Variants in SLC3A1 observed in about 807,000 individuals in gnomAD.
The protein encoded by SLC3A1 is amino acid transporter heavy chain SLC3A1.
SLC3A1 carries 78 observed loss-of-function variants against 60.3 expected under a neutral mutation model. The ratio of observed to expected loss-of-function variants is 1.29; its 90% CI spans 1.08 to 1.56. The LOEUF is 1.56. Ranked by LOEUF, SLC3A1 falls within the 40% of genes most tolerant of loss-of-function variation. SLC3A1 has a pLI of 0.00. For missense variants in SLC3A1, 1,172 were observed against 858.9 expected (o/e 1.36, Z -4.56); for synonymous variants, 392 against 307.9 (o/e 1.27, Z -2.86).
Position 44,310,391 on chromosome 2 carries a change from A to G in SLC3A1, c.1333-2195A>G, listed in dbSNP as rs552232095. Among the ~76,000 whole-genome samples the G allele has an allele frequency of 5.9e-5, 9 of 152,300 alleles. No individual in the cohort carries two copies. The Middle Eastern group carries it at 0.014, about 230-fold the overall frequency. On this transcript the variant is annotated intron_variant, in intron 7 of 9. Transcript: ENST00000260649. ...TGGTATCTCATTTTTTCATTATTGA[A>G]TAACAGTTTTGCTGGATATAGAAAT...
chr2:44,275,721 C>G lies in SLC3A1; in HGVS notation c.186C>G (p.Val62=), dbSNP rs1482182433. Residue 62 remains valine, a synonymous_variant, in exon 1 of 10, where the codon GTC becomes GTG. Coordinates refer to ENST00000260649, the MANE Select transcript of SLC3A1 (RefSeq NM_000341.4). Reference sequence around the variant, plus strand: ...CCCAGGAGCCCGACTTCAAGGGCGTCCAGCCCTATGCGGGGATGCCCAAGG... The same window carrying G: ...CCCAGGAGCCCGACTTCAAGGGCGTGCAGCCCTATGCGGGGATGCCCAAGG... ...LGSQEPDFKG[V]QPYAGMPKEV... is the part of the protein sequence containing the mutation. 3.1e-6 allele frequency: 5 copies of G among 1,614,090 alleles called. No individual in the cohort carries two copies. In the Admixed American group the frequency reaches 8.3e-5, roughly 27 times the overall value.
rs1324540640 is a variant in SLC3A1, at chr2:44,320,556, C to T, written c.1975C>T (p.Gln659Ter). ...EHNTKNLLHR[Q>*]TAFRDRCFVS... is the part of the protein sequence containing the mutation. Reference sequence around the variant, plus strand: ...CAACACGAAGAATCTCCTTCATCGCCAAACAGCTTTCAGAGATAGATGCTT... The same window carrying T: ...CAACACGAAGAATCTCCTTCATCGCTAAACAGCTTTCAGAGATAGATGCTT... The change falls in exon 10 of 10, where the codon CAA (glutamine) becomes TAA (stop). Residue 659 changes from glutamine (Q) to a stop codon, truncating the protein, a stop_gained. Transcript: ENST00000260649. LOFTEE classifies it low-confidence loss of function (END_TRUNC). 5 of 1,613,936 alleles carry T rather than the reference C, an allele frequency of 3.1e-6. No individual in the cohort carries two copies. The highest frequency in any genetic ancestry group is 3.4e-6 in the Non-Finnish European group (4 of 1,179,926).
chr2:44,314,087 T>A lies in SLC3A1; in HGVS notation c.1617+136T>A, dbSNP rs1672365349. 1.9e-6 allele frequency: 3 copies of A among 1,545,624 alleles called. No homozygotes were observed. The African/African-American group carries it at 4.1e-5, about 21-fold the overall frequency. ...TCAATCACAGACTTCCTTGCAGTTTTCCATTTGTAAGGAGTTTGTAAATCA... is the reference window on the plus strand; with the variant it reads ...TCAATCACAGACTTCCTTGCAGTTTACCATTTGTAAGGAGTTTGTAAATCA... On this transcript the variant is annotated intron_variant, in intron 9 of 9. Coordinates refer to ENST00000260649, the MANE Select transcript of SLC3A1 (RefSeq NM_000341.4).
chr2:44,299,309 G>A (rs1671940709), intron 4 of SLC3A1, among the ~76,000 whole-genome samples: 1 of 152,188 alleles, frequency 6.6e-6, no homozygotes, highest in Non-Finnish European at 1.5e-5. Flanking sequence ...AGAGTGCTGG[G>A]ATTACAGGCA....
At chr2:44,309,064 A>T (rs1024407640) in intron 7 of SLC3A1, among the ~76,000 whole-genome samples, 2 of 152,174 alleles carry the variant, frequency 1.3e-5, no homozygotes, top group East Asian at 3.8e-4. Context: ...AAATTATTGC[A>T]AAATATACAT....
At chr2:44,284,639 T>G (rs954307848) in intron 3 of SLC3A1, among the ~76,000 whole-genome samples, 1 of 152,182 alleles carries the variant, frequency 6.6e-6, no homozygotes, top group Admixed American at 6.5e-5. Flanking sequence ...CATAGCTTAC[T>G]GCAGTCTCGA....
In SLC3A1 at chr2:44,320,328, AC is replaced by A; in HGVS notation, c.1748del (p.Thr583LysfsTer15). On this transcript the variant is annotated frameshift_variant, in exon 10 of 10. Transcript: ENST00000260649. LOFTEE classifies it low-confidence loss of function (END_TRUNC). ...GAATGACAGCCACTATGTTGTGTAC[AC>A]AAGAGAGCTGGATGGCATCGACAGA... ...LRNDSHYVVY[T>X]RELDGIDRIF... The A allele has an allele frequency of 6.2e-7, 1 of 1,614,164 alleles. No individual in the cohort carries two copies. Among genetic ancestry groups the A allele is most frequent in the Non-Finnish European group, 8.5e-7 (1 of 1,179,990 alleles).
downstream of SLC3A1, chr2:44,321,800 T>A (rs1394803796): frequency 6.2e-7 from 1 of 1,613,688 alleles, no homozygotes; most frequent in Non-Finnish European, 8.5e-7. Context: ...CGGGAATCTG[T>A]CCACTGAGAG....
At position 44,314,066 on chromosome 2, in the gene SLC3A1, T is replaced by C. The variant is rs565818253; in HGVS notation, c.1617+115T>C. 1.4e-5 allele frequency: 22 copies of C among 1,559,448 alleles called. No homozygotes were observed. In the African/African-American group the frequency reaches 1.6e-4, roughly 12 times the overall value. ...CCTTAACGGATACTCTTTAAATCAA[T>C]CACAGACTTCCTTGCAGTTTTCCAT... On this transcript the variant is annotated intron_variant, in intron 9 of 9. Coordinates refer to ENST00000260649, the MANE Select transcript of SLC3A1 (RefSeq NM_000341.4).
intron 2 of SLC3A1, among the ~76,000 whole-genome samples, chr2:44,281,096 C>T (rs1210718300): frequency 5.6e-5 from 8 of 144,058 alleles, no homozygotes; most frequent in African/African-American, 2.1e-4. Flanking sequence ...TTCCTTTCTC[C>T]TTTCCTTTTT....
At chr2:44,286,816 G>A (rs1374393049) in intron 4 of SLC3A1, among the ~76,000 whole-genome samples, 5 of 150,024 alleles carry the variant, frequency 3.3e-5, no homozygotes, top group Non-Finnish European at 5.9e-5. Flanking sequence ...GCCTGTGACG[G>A]TGAGCTGTGC....
At chr2:44,317,755 A>G (rs1672548025) in intron 9 of SLC3A1, 1 of 152,578 alleles carries the variant, frequency 6.6e-6, no homozygotes, top group African/African-American at 2.4e-5. Flanking sequence ...TCAATCCAAC[A>G]AAAAGCTTAA....
At chr2:44,303,987 A>G in intron 6 of SLC3A1, 156 bp from the exon 7 acceptor site, 1 of 711,744 alleles carries the variant, frequency 1.4e-6, no homozygotes. Context: ...ACATTTGGTG[A>G]CAGCTTGATT....
intron 7 of SLC3A1, among the ~76,000 whole-genome samples, chr2:44,305,915 A>G (rs1672142999): frequency 6.6e-6 from 1 of 152,080 alleles, no homozygotes; most frequent in Non-Finnish European, 1.5e-5. Flanking sequence ...TACCTATTGT[A>G]TACTATAGCA....
intron 6 of SLC3A1, 188 bp downstream of exon 6, chr2:44,301,315 T>C (rs543912012): frequency 1.4e-6 from 1 of 727,138 alleles, no homozygotes; most frequent in Non-Finnish European, 2.4e-6. Flanking sequence ...TTGCTGACTT[T>C]CAGTTTCCTC....
At chr2:44,307,467 C>T (rs539182303) in intron 7 of SLC3A1, among the ~76,000 whole-genome samples, 3 of 152,100 alleles carry the variant, frequency 2.0e-5, no homozygotes, top group Non-Finnish European at 2.9e-5. Context: ...AGCAATGTTA[C>T]GAGGGTTCCA....
intron 3 of SLC3A1, among the ~76,000 whole-genome samples, chr2:44,284,847 G>A (rs1671579499): frequency 6.6e-6 from 1 of 152,106 alleles, no homozygotes; most frequent in South Asian, 2.1e-4. Flanking sequence ...TTACTGGCAT[G>A]AGCTACCATG....
chr2:44,310,656 A>AT (rs1245368595), intron 7 of SLC3A1, among the ~76,000 whole-genome samples: 8 of 152,170 alleles, frequency 5.3e-5, no homozygotes, highest in Middle Eastern at 6.8e-3. Context: ...TAGATACACA[A>AT]TTTTTAAAAA....
At position 44,280,718 on chromosome 2, in the gene SLC3A1, A is replaced by G. The variant is rs1449804099; in HGVS notation, c.433A>G (p.Ile145Val). 1.9e-6 allele frequency: 3 copies of G among 1,605,446 alleles called. No homozygotes were observed. The highest frequency in any genetic ancestry group is 2.6e-6 in the Non-Finnish European group (3 of 1,172,374). ...ATGACTTTGACTTTTTTCTTCAGGT[A>G]TTCAAGATAAACTGGACTACATCAC... is the stretch of plus-strand genomic sequence containing the variant. ...NKDGNGDLKG[I>V]QDKLDYITAL... The change falls in exon 2 of 10, where the codon ATT (isoleucine) becomes GTT (valine). Residue 145 changes from isoleucine (I) to valine (V), a missense_variant and splice_region_variant. Coordinates refer to ENST00000260649, the MANE Select transcript of SLC3A1 (RefSeq NM_000341.4).
Sources: gnomAD v4.1 joint callset for allele counts (sites outside exome capture counted in the v4.1 genomes callset) on GRCh38, gnomAD v4.1.1 for gene constraint, MANE v1.5 for transcripts, NCBI Gene and HGNC (gene_info 2026-07-23, HGNC 2026-07-21) for gene names.